The following SCHIP1 variants were observed in gnomAD, a reference collection of about 807,000 sequenced individuals.
The protein encoded by SCHIP1 is schwannomin interacting protein 1.
In SCHIP1, 8 loss-of-function variants were observed where a neutral mutation model predicts 29.7. The observed-to-expected ratio is 0.27, with a 90% CI of 0.16 to 0.49. SCHIP1 has a LOEUF of 0.49. Among genes scored for constraint, SCHIP1 ranks in the 20% least tolerant of loss-of-function variants. The pLI is 0.99. For missense variants in SCHIP1, 193 were observed against 294.6 expected (o/e 0.66, Z 2.52); for synonymous variants, 76 against 94.9 (o/e 0.80, Z 1.16).
At chr3:159,888,712 A>G (rs1717195587) in intron 4 of SCHIP1, 108 bp from the exon 6 acceptor site, 4 of 1,488,908 alleles carry the variant, frequency 2.7e-6, no homozygotes, top group South Asian at 2.7e-5. Flanking sequence ...TTAATCACTG[A>G]ATTGCAGTGG....
At chr3:159,425,633 C>T in the SCHIP1 span, among the ~76,000 whole-genome samples, 2 of 152,106 alleles carry the variant, frequency 1.3e-5, no homozygotes, top group Non-Finnish European at 2.9e-5. Flanking sequence ...GACAGATCAA[C>T]AAGACAGAAA....
the SCHIP1 span, among the ~76,000 whole-genome samples, chr3:159,615,668 G>A: frequency 6.6e-6 from 1 of 152,174 alleles, no homozygotes; most frequent in African/African-American, 2.4e-5. Context: ...GGCAGATGGT[G>A]TGGGGGTGAA....
the SCHIP1 span, among the ~76,000 whole-genome samples, chr3:159,474,684 A>G: frequency 6.6e-6 from 1 of 152,264 alleles, no homozygotes; most frequent in Middle Eastern, 3.4e-3. Context: ...CAGATGTAAG[A>G]TTAGGTGGGA....
the SCHIP1 span, among the ~76,000 whole-genome samples, chr3:159,698,359 A>G: frequency 1.3e-5 from 2 of 152,220 alleles, no homozygotes; most frequent in South Asian, 4.2e-4. Flanking sequence ...TGATTCTTTC[A>G]TTTCATCAAA....
chr3:159,626,162 CTAGATA>C, the SCHIP1 span, among the ~76,000 whole-genome samples: 2 of 67,562 alleles, frequency 3.0e-5, no homozygotes, highest in African/African-American at 2.2e-4. Context: ...ATATATATAT[CTAGATA>C]TATCTATCTA....
At chr3:159,730,553 A>C in the SCHIP1 span, among the ~76,000 whole-genome samples, 1 of 152,160 alleles carries the variant, frequency 6.6e-6, no homozygotes, top group South Asian at 2.1e-4. Flanking sequence ...CTATTAATAT[A>C]ATGTTTTGCC....
chr3:159,504,184 G>T, the SCHIP1 span, among the ~76,000 whole-genome samples: 1 of 152,174 alleles, frequency 6.6e-6, no homozygotes, highest in Non-Finnish European at 1.5e-5. Flanking sequence ...GCAGTGAAAA[G>T]ATGAAATTAT....
the SCHIP1 span, among the ~76,000 whole-genome samples, chr3:159,687,318 C>G: frequency 2.0e-5 from 3 of 152,016 alleles, no homozygotes; most frequent in South Asian, 4.2e-4. Flanking sequence ...TCTTTTTCTT[C>G]TCCTCTCCCT....
At chr3:159,304,268 A>G in the SCHIP1 span, among the ~76,000 whole-genome samples, 2 of 152,286 alleles carry the variant, frequency 1.3e-5, no homozygotes, top group South Asian at 4.1e-4. Flanking sequence ...TATAACCATC[A>G]TTTTAAAGAC....
the SCHIP1 span, among the ~76,000 whole-genome samples, chr3:159,470,977 G>C: frequency 6.6e-6 from 1 of 152,126 alleles, no homozygotes; most frequent in African/African-American, 2.4e-5. Context: ...GTGGTTGCCT[G>C]AGTTGGAGGA....
the SCHIP1 span, among the ~76,000 whole-genome samples, chr3:159,463,142 T>C: frequency 6.6e-6 from 1 of 151,888 alleles, no homozygotes. Context: ...ATACAGTATA[T>C]AGTTCATAGC....
At chr3:159,649,819 A>G in the SCHIP1 span, among the ~76,000 whole-genome samples, 2 of 152,176 alleles carry the variant, frequency 1.3e-5, no homozygotes, top group African/African-American at 4.8e-5. Context: ...TATATGTATA[A>G]AAGTGTCCTT....
the SCHIP1 span, among the ~76,000 whole-genome samples, chr3:159,383,946 G>A: frequency 6.6e-6 from 1 of 151,060 alleles, no homozygotes; most frequent in East Asian, 1.9e-4. Context: ...TGTGATTTTT[G>A]CACATTGATT....
At chr3:159,488,614 C>T in the SCHIP1 span, among the ~76,000 whole-genome samples, 1 of 151,988 alleles carries the variant, frequency 6.6e-6, no homozygotes, top group Non-Finnish European at 1.5e-5. Flanking sequence ...CACTGGCTGC[C>T]AAGAAGAAAC....
chr3:159,423,562 A>T, the SCHIP1 span, among the ~76,000 whole-genome samples: 3 of 152,214 alleles, frequency 2.0e-5, no homozygotes, highest in Non-Finnish European at 2.9e-5. Flanking sequence ...GGGAAGCTCA[A>T]ACTGGGTGGA....
At chr3:159,325,362 A>G in the SCHIP1 span, among the ~76,000 whole-genome samples, 156 of 152,282 alleles carry the variant, frequency 1.0e-3, 2 homozygotes, top group South Asian at 0.024. Flanking sequence ...ATCATAAATC[A>G]TTCGTCTGTA....
chr3:159,505,647 G>A, the SCHIP1 span, among the ~76,000 whole-genome samples: 2 of 152,060 alleles, frequency 1.3e-5, no homozygotes, highest in Non-Finnish European at 2.9e-5. Context: ...ACAGGCCCTG[G>A]TGTGTGATGT....
At chr3:159,482,010 T>C in the SCHIP1 span, among the ~76,000 whole-genome samples, 1 of 152,050 alleles carries the variant, frequency 6.6e-6, no homozygotes, top group Non-Finnish European at 1.5e-5. Flanking sequence ...GGAGGTGGTA[T>C]GAGCGTATGT....
the SCHIP1 span, among the ~76,000 whole-genome samples, chr3:159,690,469 A>T: frequency 6.6e-6 from 1 of 151,994 alleles, no homozygotes. Context: ...TATTGTGTCT[A>T]TTTGATTCTT....
Sources: gnomAD v4.1 joint callset for allele counts (sites outside exome capture counted in the v4.1 genomes callset) on GRCh38, gnomAD v4.1.1 for gene constraint, MANE v1.5 for transcripts, NCBI Gene and HGNC (gene_info 2026-07-23, HGNC 2026-07-21) for gene names.